The following RSF1 variants were observed in gnomAD, a reference collection of about 807,000 sequenced individuals.
The protein encoded by RSF1 is remodeling and spacing factor 1, also known as HBV pX-associated protein 8.
RSF1 carries 13 observed loss-of-function variants against 145.2 expected under a neutral mutation model. The observed-to-expected ratio is 0.09, with a 90% confidence interval of 0.06 to 0.14. The LOEUF is 0.14. Ranked by LOEUF, RSF1 falls within the 10% of genes least tolerant of loss-of-function variation. The pLI is 1.00. For synonymous variants in RSF1, 577 were observed against 592.6 expected (o/e 0.97, Z 0.38); for missense variants, 1,517 against 1,718.2 (o/e 0.88, Z 2.07).
At chr11:77,820,134 AG>A (rs1948841645) in intron 1 of RSF1, among the ~76,000 whole-genome samples, 1 of 152,082 alleles carries the variant, frequency 6.6e-6, no homozygotes, top group Non-Finnish European at 1.5e-5. Flanking sequence ...GGGGAGGAGG[AG>A]AAAAGCGCAA....
At chr11:77,720,581 T>C (rs1960919999) in intron 5 of RSF1, among the ~76,000 whole-genome samples, 2 of 152,110 alleles carry the variant, frequency 1.3e-5, no homozygotes, top group Non-Finnish European at 1.5e-5. Context: ...ACTCAAAAAG[T>C]ATTTGAGCGT....
chr11:77,701,765 C>G lies in RSF1; in HGVS notation c.1464G>C (p.Glu488Asp). 1 of 1,613,876 alleles carries G rather than the reference C, an allele frequency of 6.2e-7. No individual in the cohort carries two copies. Among genetic ancestry groups the G allele is most frequent in the South Asian group, 1.1e-5 (1 of 91,064 alleles). ...RNIITEGNGT[E>D]SLNSVITSMK... ...TACTTGTTATGACAGAATTTAAGGACTCTGTTCCATTTCCCTCCGTGATGA... is the reference window on the plus strand; with the variant it reads ...TACTTGTTATGACAGAATTTAAGGAGTCTGTTCCATTTCCCTCCGTGATGA... Residue 488 changes from glutamate to aspartate, a missense_variant, in exon 6 of 16, where the codon GAG (glutamate) becomes GAC (aspartate). Glu to Asp is a conservative substitution (Grantham distance 45, BLOSUM62 2). Coordinates refer to ENST00000308488, the MANE Select transcript of RSF1 (RefSeq NM_016578.4).
upstream of RSF1, chr11:77,821,198 A>G (rs1948880608): frequency 3.1e-6 from 1 of 325,602 alleles, no homozygotes; most frequent in South Asian, 1.2e-4. Context: ...CGGGCAGAGC[A>G]CTGCGCCGTT....
At chr11:77,817,121 G>C (rs990251760) in intron 1 of RSF1, among the ~76,000 whole-genome samples, 1 of 152,134 alleles carries the variant, frequency 6.6e-6, no homozygotes, top group Non-Finnish European at 1.5e-5. Context: ...CTAGCTTCAC[G>C]GCACCCTCAG....
At chr11:77,677,922 AT>A (rs1367563908) in intron 12 of RSF1, among the ~76,000 whole-genome samples, 163 bp downstream of exon 12, 14 of 152,232 alleles carry the variant, frequency 9.2e-5, no homozygotes, top group Admixed American at 7.9e-4. Context: ...ATACACTGAC[AT>A]TGTATCCACA....
chr11:77,802,725 TAG>T (rs1306018752), intron 1 of RSF1, among the ~76,000 whole-genome samples: 1 of 152,044 alleles, frequency 6.6e-6, no homozygotes, highest in East Asian at 1.9e-4. Flanking sequence ...GTATTTTTAG[TAG>T]AGACAGGGTT....
intron 14 of RSF1, among the ~76,000 whole-genome samples, chr11:77,672,492 A>C (rs953630741): frequency 6.6e-6 from 1 of 151,282 alleles, no homozygotes; most frequent in African/African-American, 2.4e-5. Flanking sequence ...CAGTAGCTAA[A>C]GCTAGGATCA....
chr11:77,862,737 C>T, the RSF1 span, among the ~76,000 whole-genome samples: 1 of 152,156 alleles, frequency 6.6e-6, no homozygotes. Context: ...TTCACTCTTC[C>T]TTCTTTTCTA....
At position 77,685,091 on chromosome 11, in the gene RSF1, A is replaced by C; in HGVS notation, c.2955+14T>G. 1 of 1,494,762 alleles carries C rather than the reference A, an allele frequency of 6.7e-7. No homozygotes were observed. Among genetic ancestry groups the C allele is most frequent in the Non-Finnish European group, 9.1e-7 (1 of 1,104,296 alleles). The allele number at this position is 1,494,762 out of a possible 1,614,324, so 92.6% of individuals were successfully genotyped here. ...CAATCTCCCATTTAAAAACATTACA[A>C]ATCAGAAACTTACTTGTGGAGGAAT... On this transcript the variant is annotated intron_variant, in intron 10 of 15. Transcript: ENST00000308488.
the RSF1 span, among the ~76,000 whole-genome samples, chr11:77,845,921 A>G: frequency 6.6e-6 from 1 of 151,838 alleles, no homozygotes. Context: ...GATAGTTTCT[A>G]CTGTCTGTTT....
chr11:77,817,388 G>GC (rs1177684922), intron 1 of RSF1, among the ~76,000 whole-genome samples: 5 of 152,098 alleles, frequency 3.3e-5, no homozygotes, highest in African/African-American at 9.7e-5. Context: ...TTTTACCACA[G>GC]CAACCGCTAA....
chr11:77,858,302 C>CTTTT, the RSF1 span, among the ~76,000 whole-genome samples: 9,054 of 69,050 alleles, frequency 0.13, 815 homozygotes, highest in Non-Finnish European at 0.17. Flanking sequence ...TTAAGCAATT[C>CTTTT]TTTTTTTTTT....
intron 7 of RSF1, among the ~76,000 whole-genome samples, chr11:77,695,174 G>A (rs1960251778): frequency 6.6e-6 from 1 of 152,140 alleles, no homozygotes; most frequent in Non-Finnish European, 1.5e-5. Flanking sequence ...CAAATAATTT[G>A]TGGATATATA....
Position 77,701,850 on chromosome 11 carries a change from A to G in RSF1, c.1379T>C (p.Ile460Thr), listed in dbSNP as rs777869790. 3.7e-6 allele frequency: 6 copies of G among 1,613,802 alleles called. No homozygotes were observed. Among genetic ancestry groups the G allele is most frequent in the South Asian group, 3.3e-5 (3 of 91,068 alleles). The change falls in exon 6 of 16, where the codon ATA becomes ACA. Residue 460 changes from isoleucine to threonine, a missense_variant. Physicochemically the swap from Ile to Thr is moderately conservative, Grantham distance 89. Transcript: ENST00000308488. Reference protein sequence around the residue: ...RVAPNFKTEPIETKFYETKEE... With the variant: ...RVAPNFKTEPTETKFYETKEE... ...CTTTGTCTCATAAAACTTTGTCTCT[A>G]TTGGTTCTGTCTTAAAATTTGGAGC...
the RSF1 span, among the ~76,000 whole-genome samples, chr11:77,833,076 T>C: frequency 7.1e-6 from 1 of 140,572 alleles, no homozygotes; most frequent in Admixed American, 7.6e-5. Flanking sequence ...CAATGGCAGA[T>C]CTCATATCAG....
intron 5 of RSF1, among the ~76,000 whole-genome samples, chr11:77,715,346 T>C (rs1261813998): frequency 6.6e-6 from 1 of 152,224 alleles, no homozygotes; most frequent in Non-Finnish European, 1.5e-5. Context: ...TTTTCTTTTA[T>C]TCCTATAAAA....
At chr11:77,720,913 G>A (rs1960927154) in intron 5 of RSF1, among the ~76,000 whole-genome samples, 1 of 152,154 alleles carries the variant, frequency 6.6e-6, no homozygotes, top group Non-Finnish European at 1.5e-5. Flanking sequence ...TTGAAACAAA[G>A]TCAACTTAAT....
At chr11:77,832,270 T>C in the RSF1 span, among the ~76,000 whole-genome samples, 1 of 152,152 alleles carries the variant, frequency 6.6e-6, no homozygotes, top group Non-Finnish European at 1.5e-5. Flanking sequence ...GATTCTCATA[T>C]ATAAATTTAT....
At chr11:77,783,312 T>C (rs2058462179) in intron 1 of RSF1, among the ~76,000 whole-genome samples, 1 of 152,260 alleles carries the variant, frequency 6.6e-6, no homozygotes, top group African/African-American at 2.4e-5. Context: ...AAAAAGACTT[T>C]TTTAAAATTG....
Sources: allele counts gnomAD v4.1 joint callset (sites outside exome capture counted in the v4.1 genomes callset), GRCh38; gene constraint gnomAD v4.1.1; transcripts MANE v1.5; gene names NCBI Gene and HGNC (gene_info 2026-07-23, HGNC 2026-07-21).